TMX1: variants seen among roughly 807,000 people sequenced by gnomAD.
The protein encoded by TMX1 is thioredoxin related transmembrane protein 1, also known as thioredoxin-related transmembrane protein 1.
Under a neutral mutation model 36.6 loss-of-function variants are expected in TMX1, and 25 were observed. The observed-to-expected ratio is 0.68, with a 90% CI of 0.50 to 0.95. The LOEUF (loss-of-function observed/expected upper bound fraction) is 0.95. TMX1 is among the 40% of genes least tolerant of loss of function. TMX1 has a pLI of 0.00. For synonymous variants in TMX1, 133 were observed against 118.0 expected (o/e 1.13, Z -0.82); for missense variants, 347 against 339.6 (o/e 1.02, Z -0.17).
rs115475194 is a variant in TMX1, at chr14:51,247,756, T to C, written c.443+536T>C. Among the ~76,000 whole-genome samples the C allele has an allele frequency of 8.2e-3, 1,244 of 152,322 alleles. 19 individuals are homozygous for C. Among genetic ancestry groups the C allele is most frequent in the African/African-American group, 0.028 (1,180 of 41,558 alleles). Reference sequence around the variant, plus strand: ...TTATAGAAGTAAGTTGTACACCTTTTCAGGAATATTTTAGCTTGCTAGATT... The same window carrying C: ...TTATAGAAGTAAGTTGTACACCTTTCCAGGAATATTTTAGCTTGCTAGATT... On this transcript the variant is annotated intron_variant, in intron 4 of 7. Coordinates refer to ENST00000457354, the MANE Select transcript of TMX1 (RefSeq NM_030755.5).
Position 51,253,645 on chromosome 14 carries a change from G to T in TMX1, c.665-696G>T, listed in dbSNP as rs192610291. 1.1e-4 allele frequency among the ~76,000 whole-genome samples: 16 copies of T among 152,326 alleles called. No homozygotes were observed. In the East Asian group the frequency reaches 2.3e-3, roughly 22 times the overall value. On this transcript the variant is annotated intron_variant, in intron 7 of 7. Coordinates refer to ENST00000457354, the MANE Select transcript of TMX1 (RefSeq NM_030755.5). ...TGCTCTAAGCTTAAGTTAACTAGCA[G>T]CTGGCCATATAAAACATCGAAAGGG... is the stretch of plus-strand genomic sequence containing the variant.
intron 1 of TMX1, among the ~76,000 whole-genome samples, chr14:51,241,420 A>G (rs754166239): frequency 3.3e-5 from 5 of 152,220 alleles, no homozygotes; most frequent in Non-Finnish European, 5.9e-5. Flanking sequence ...TTAATTCCCT[A>G]CAAATTCTCT....
intron 2 of TMX1, 107 bp downstream of exon 2, chr14:51,244,078 A>G: frequency 1.1e-6 from 1 of 923,190 alleles, no homozygotes; most frequent in Non-Finnish European, 1.5e-6. Context: ...TAGGTTTTGA[A>G]AACCTAACAG....
Position 51,254,530 on chromosome 14 carries a change from T to C in TMX1, c.*11T>C, listed in dbSNP as rs1237112235. Reference sequence around the variant, plus strand: ...ACAGATAAATCCTAGTTAAATTTTATAGTTATCTTAATATTATGATTTTGA... The same window carrying C: ...ACAGATAAATCCTAGTTAAATTTTACAGTTATCTTAATATTATGATTTTGA... On this transcript the variant is annotated 3_prime_UTR_variant, in exon 8 of 8. Transcript: ENST00000457354. 1 of 1,575,302 alleles carries C rather than the reference T, an allele frequency of 6.3e-7. No homozygotes were observed. Among genetic ancestry groups the C allele is most frequent in the South Asian group, 1.2e-5 (1 of 82,590 alleles).
chr14:51,253,741 A>G (rs1321079507), intron 7 of TMX1, among the ~76,000 whole-genome samples: 3 of 152,224 alleles, frequency 2.0e-5, no homozygotes, highest in Non-Finnish European at 4.4e-5. Flanking sequence ...TTGTAATAAA[A>G]TCATACATAT....
intron 1 of TMX1, among the ~76,000 whole-genome samples, chr14:51,243,395 A>T (rs949900054): frequency 6.6e-6 from 1 of 152,222 alleles, no homozygotes; most frequent in African/African-American, 2.4e-5. Context: ...CTTAGTGGCA[A>T]TCCTACTTAA....
rs376406721 is a variant in TMX1 at position 51,247,160 on chromosome 14, G to A, written c.383G>A (p.Ser128Asn). Residue 128 changes from serine to asparagine, a missense_variant, in exon 4 of 8, where the codon AGT becomes AAT. Ser to Asn is a conservative substitution (Grantham distance 46). Coordinates refer to ENST00000457354, the MANE Select transcript of TMX1 (RefSeq NM_030755.5). The part of the protein sequence containing the change: ...RTKKDFINFI[S>N]DKEWKSIEPV... The stretch of plus-strand genomic sequence containing the variant: ...AAGAAGGACTTCATAAACTTTATAA[G>A]TGATAAAGAGTGGAAGAGTATTGAG... The A allele has an allele frequency of 3.1e-6, 5 of 1,613,350 alleles. No individual in the cohort carries two copies. The South Asian group carries it at 3.3e-5, about 11-fold the overall frequency.
At chr14:51,241,219 TG>T (rs1025858301) in intron 1 of TMX1, among the ~76,000 whole-genome samples, 1 of 152,246 alleles carries the variant, frequency 6.6e-6, no homozygotes, top group African/African-American at 2.4e-5. Context: ...TCATGTATTT[TG>T]TGTGGTGATT....
intron 3 of TMX1, chr14:51,245,643 A>C (rs2065782398): frequency 2.0e-6 from 1 of 505,694 alleles, no homozygotes; most frequent in Non-Finnish European, 3.4e-6. Flanking sequence ...ATGCATCCAA[A>C]GTAGTGGTGA....
At chr14:51,253,326 G>A (rs1047830478) in intron 7 of TMX1, among the ~76,000 whole-genome samples, 3 of 152,194 alleles carry the variant, frequency 2.0e-5, no homozygotes, top group Non-Finnish European at 4.4e-5. Context: ...ACTTACCCTT[G>A]GTAGGGAACC....
rs553735530 is a variant in TMX1 at position 51,240,262 on chromosome 14, C to A, written c.-31C>A. ...CGAGGGCGGAAGTGGGAGCTGCGACCGCGCTCCCTGTGAGGTGGGCAAGCG... is the reference window on the plus strand; with the variant it reads ...CGAGGGCGGAAGTGGGAGCTGCGACAGCGCTCCCTGTGAGGTGGGCAAGCG... On this transcript the variant is annotated 5_prime_UTR_variant, in exon 1 of 8. Transcript: ENST00000457354. The A allele has an allele frequency of 5.7e-5, 91 of 1,601,898 alleles. No individual in the cohort carries two copies. Among genetic ancestry groups the A allele is most frequent in the Non-Finnish European group, 1.7e-6 (2 of 1,177,622 alleles).
At chr14:51,248,729 A>G (rs1304269762) in intron 4 of TMX1, among the ~76,000 whole-genome samples, 1 of 152,246 alleles carries the variant, frequency 6.6e-6, no homozygotes, top group Admixed American at 6.5e-5. Context: ...TTTCTGAAAC[A>G]TGCCTTTTTA....
Position 51,249,758 on chromosome 14 carries a change from C to T in TMX1, c.657C>T (p.Tyr219=), listed in dbSNP as rs1483701651. Residue 219 remains tyrosine, a synonymous_variant, in exon 7 of 8, where the codon TAC becomes TAT. Transcript: ENST00000457354. ...GGCGCAGACCACAGCCGTACCCATA[C>T]CCTTCAAGTAAGTATATTTTAAAAT... The part of the protein sequence containing the change: ...SKRRRPQPYP[Y]PSKKLLSESA... 4.4e-6 allele frequency: 7 copies of T among 1,605,552 alleles called. No individual in the cohort carries two copies. Among genetic ancestry groups the T allele is most frequent in the Non-Finnish European group, 5.1e-6 (6 of 1,174,966 alleles).
At chr14:51,245,640 C>A in intron 3 of TMX1, 1 of 549,348 alleles carries the variant, frequency 1.8e-6, no homozygotes, top group Non-Finnish European at 3.0e-6. Context: ...ATTATGCATC[C>A]AAAGTAGTGG....
chr14:51,245,626 A>G, intron 3 of TMX1: 1 of 647,518 alleles, frequency 1.5e-6, no homozygotes, highest in Non-Finnish European at 2.4e-6. Context: ...CAGCGTGTTA[A>G]GTCATTATGC....
intron 2 of TMX1, among the ~76,000 whole-genome samples, chr14:51,244,754 C>T (rs2065777736): frequency 6.6e-6 from 1 of 152,276 alleles, no homozygotes; most frequent in Non-Finnish European, 1.5e-5. Context: ...CCTTATACAA[C>T]CCCGTGAAAT....
At chr14:51,243,049 G>A (rs1446145700) in intron 1 of TMX1, among the ~76,000 whole-genome samples, 1 of 144,694 alleles carries the variant, frequency 6.9e-6, no homozygotes, top group Non-Finnish European at 1.5e-5. Flanking sequence ...AGAAAGTATA[G>A]TTTTGTGTTT....
At chr14:51,253,292 A>C (rs2065823318) in intron 7 of TMX1, among the ~76,000 whole-genome samples, 1 of 152,212 alleles carries the variant, frequency 6.6e-6, no homozygotes, top group Non-Finnish European at 1.5e-5. Context: ...AGACATTGTT[A>C]AGTGTTCCTT....
intron 1 of TMX1, among the ~76,000 whole-genome samples, chr14:51,240,715 C>A (rs1237265886): frequency 6.6e-6 from 1 of 152,170 alleles, no homozygotes; most frequent in Non-Finnish European, 1.5e-5. Flanking sequence ...AGTGCCAATG[C>A]GAATTCTGAC....
Sources: allele counts gnomAD v4.1 joint callset (sites outside exome capture counted in the v4.1 genomes callset), GRCh38; gene constraint gnomAD v4.1.1; transcripts MANE v1.5; gene names NCBI Gene and HGNC (gene_info 2026-07-23, HGNC 2026-07-21).